Variants in FBXO11 observed in about 807,000 individuals in gnomAD.
FBXO11 encodes F-box protein 11.
FBXO11 carries 13 observed loss-of-function variants against 117.0 expected under a neutral mutation model. The observed-to-expected ratio is 0.11, with a 90% CI of 0.07 to 0.18. The LOEUF (loss-of-function observed/expected upper bound fraction) is 0.18. Among genes scored for constraint, FBXO11 ranks in the 10% least tolerant of loss-of-function variants. The pLI, the probability that FBXO11 is intolerant of heterozygous loss-of-function variation, is 1.00. For missense variants in FBXO11, 767 were observed against 1,164.4 expected (o/e 0.66, Z 4.97); for synonymous variants, 490 against 380.5 (o/e 1.29, Z -3.35).
intron 1 of FBXO11, among the ~76,000 whole-genome samples, chr2:47,842,539 T>C (rs917865915): frequency 1.3e-5 from 2 of 152,114 alleles, no homozygotes; most frequent in Non-Finnish European, 2.9e-5. Flanking sequence ...AGTAGAGATT[T>C]CCAGTCAGCT....
chr2:47,894,453 G>T (rs1005360265), intron 1 of FBXO11, among the ~76,000 whole-genome samples: 1 of 152,116 alleles, frequency 6.6e-6, no homozygotes, highest in Non-Finnish European at 1.5e-5. Flanking sequence ...AACTTAAGTG[G>T]AGAAACAAAA....
At chr2:47,879,506 ACTGG>A (rs1676281097) in intron 1 of FBXO11, among the ~76,000 whole-genome samples, 1 of 152,224 alleles carries the variant, frequency 6.6e-6, no homozygotes, top group African/African-American at 2.4e-5. Context: ...TGAATGAGGT[ACTGG>A]CCTCATTAGC....
intron 1 of FBXO11, among the ~76,000 whole-genome samples, chr2:47,895,296 A>G (rs1009508038): frequency 2.0e-5 from 3 of 152,244 alleles, no homozygotes; most frequent in African/African-American, 7.2e-5. Context: ...TATTCATACA[A>G]TGTAATACTA....
rs987200806 is a variant in FBXO11, at chr2:47,869,720, G to C, written c.233-29951C>G. Among the ~76,000 whole-genome samples the C allele has an allele frequency of 1.3e-5, 2 of 152,218 alleles. 1 individual carries two copies. The highest frequency in any genetic ancestry group is 4.1e-4 in the South Asian group (2 of 4,830). On this transcript the variant is annotated intron_variant, in intron 1 of 22. Coordinates refer to ENST00000403359, the MANE Select transcript of FBXO11 (RefSeq NM_001190274.2). The stretch of plus-strand genomic sequence containing the variant: ...AATACCACATAGTATGTAAGTTATA[G>C]GATTTCAAGAAGAGCAAACCCCACT...
At chr2:47,862,702 G>A (rs189158550) in intron 1 of FBXO11, among the ~76,000 whole-genome samples, 1 of 152,240 alleles carries the variant, frequency 6.6e-6, no homozygotes, top group East Asian at 1.9e-4. Context: ...GTACATAAAT[G>A]CTGTATAATA....
chr2:47,905,525 G>A lies in FBXO11; in HGVS notation c.196C>T (p.Pro66Ser). 1 of 1,234,956 alleles carries A rather than the reference G, an allele frequency of 8.1e-7. No homozygotes were observed. The highest frequency in any genetic ancestry group is 1.0e-6 in the Non-Finnish European group (1 of 991,604). 76.5% of individuals were successfully genotyped at this position (1,234,956 alleles called of 1,614,324 possible). The stretch of plus-strand genomic sequence containing the variant: ...ACGTTGTTCCGCTCCTGAGGCAGCG[G>A]CGGAGGCGGCGGTGGCGGCGGCGGA... Reference protein sequence around the residue: ...QPPPPPPPPPPLPQERNNVGE... With the variant: ...QPPPPPPPPPSLPQERNNVGE... Residue 66 changes from proline (P) to serine (S), a missense_variant, in exon 1 of 23, where the codon CCG (proline) becomes TCG (serine). Coordinates refer to ENST00000403359, the MANE Select transcript of FBXO11 (RefSeq NM_001190274.2).
At chr2:47,900,785 C>T (rs1171442531) in intron 1 of FBXO11, among the ~76,000 whole-genome samples, 1 of 108,472 alleles carries the variant, frequency 9.2e-6, no homozygotes, top group Non-Finnish European at 1.9e-5. Context: ...CGTATACACA[C>T]ACGTGTATAT....
At chr2:47,863,669 A>C (rs1278033711) in intron 1 of FBXO11, among the ~76,000 whole-genome samples, 1 of 152,140 alleles carries the variant, frequency 6.6e-6, no homozygotes, top group Non-Finnish European at 1.5e-5. Flanking sequence ...TAGAACACAA[A>C]GGCCGGGTGC....
chr2:47,818,632 A>C (rs1572775630), intron 16 of FBXO11, 147 bp downstream of exon 16: 1 of 640,028 alleles, frequency 1.6e-6, no homozygotes, highest in East Asian at 2.7e-5. Context: ...ACATTCTGAC[A>C]ATTTAAGTCA....
rs772742134 is a variant in FBXO11, at chr2:47,819,093, C to T, written c.1798-15G>A. On this transcript the variant is annotated splice_polypyrimidine_tract_variant and intron_variant, in intron 14 of 22. Transcript: ENST00000403359. ...CCCTTTTCATGCTAAATGAAAGTTA[C>T]ACTGGTTATAATATTTATCTTCTAT... is the stretch of plus-strand genomic sequence containing the variant. 1.9e-6 allele frequency: 3 copies of T among 1,610,792 alleles called. No homozygotes were observed. The South Asian group carries it at 3.3e-5, about 18-fold the overall frequency.
At chr2:47,840,333 T>C (rs1672922668) in intron 1 of FBXO11, among the ~76,000 whole-genome samples, 1 of 151,792 alleles carries the variant, frequency 6.6e-6, no homozygotes, top group Admixed American at 6.6e-5. Context: ...TTAGAGACCA[T>C]ATATGGTGAA....
chr2:47,817,795 G>C (rs1318362191), intron 16 of FBXO11, among the ~76,000 whole-genome samples: 1 of 152,226 alleles, frequency 6.6e-6, no homozygotes, highest in African/African-American at 2.4e-5. Flanking sequence ...TACAGATGAA[G>C]TTTGTTATCT....
rs1160295227 is a variant in FBXO11, at chr2:47,906,473, G to A, written c.-753C>T. ...CTGCTCCGTGGCAGGAGGAGCCATT[G>A]ACACCGCCGGAGCCTCCACTCGCCC... On this transcript the variant is annotated 5_prime_UTR_variant, in exon 1 of 23. Coordinates refer to ENST00000403359, the MANE Select transcript of FBXO11 (RefSeq NM_001190274.2). Among the ~76,000 whole-genome samples the A allele has an allele frequency of 2.6e-5, 4 of 151,576 alleles. No individual in the cohort carries two copies. Among genetic ancestry groups the A allele is most frequent in the Non-Finnish European group, 5.9e-5 (4 of 67,884 alleles).
intron 1 of FBXO11, among the ~76,000 whole-genome samples, chr2:47,860,844 T>A (rs1347048546): frequency 7.0e-5 from 2 of 28,644 alleles, no homozygotes; most frequent in East Asian, 8.9e-4. Context: ...TTTTCCCCTA[T>A]TTTTTTTTTT....
chr2:47,809,456 A>C, intron 20 of FBXO11, 144 bp downstream of exon 20: 1 of 711,902 alleles, frequency 1.4e-6, no homozygotes, highest in East Asian at 2.7e-5. Context: ...AACCATTTAG[A>C]ACCAAAGCTC....
At chr2:47,885,054 C>A (rs1558472489) in intron 1 of FBXO11, among the ~76,000 whole-genome samples, 1 of 152,106 alleles carries the variant, frequency 6.6e-6, no homozygotes, top group East Asian at 1.9e-4. Context: ...ATAAGATGAA[C>A]TTACTATGTA....
intron 1 of FBXO11, among the ~76,000 whole-genome samples, chr2:47,882,158 C>A (rs1676477126): frequency 6.6e-6 from 1 of 152,222 alleles, no homozygotes; most frequent in Non-Finnish European, 1.5e-5. Context: ...GAAGGGCTCA[C>A]ATAAACAATA....
chr2:47,889,107 T>G (rs965559747), intron 1 of FBXO11, among the ~76,000 whole-genome samples: 17 of 152,216 alleles, frequency 1.1e-4, no homozygotes, highest in Non-Finnish European at 2.9e-5. Flanking sequence ...CAGTATTTTT[T>G]TATAAGTTAC....
At chr2:47,818,356 G>C (rs1344263592) in intron 16 of FBXO11, 2 of 156,846 alleles carry the variant, frequency 1.3e-5, no homozygotes, top group Admixed American at 6.4e-5. Context: ...AGTACTGCTA[G>C]AATTCCAAAA....
Sources: gnomAD v4.1 joint callset for allele counts (sites outside exome capture counted in the v4.1 genomes callset) on GRCh38, gnomAD v4.1.1 for gene constraint, MANE v1.5 for transcripts, NCBI Gene and HGNC (gene_info 2026-07-23, HGNC 2026-07-21) for gene names.